The following DMXL1 variants were observed in gnomAD, a reference collection of about 807,000 sequenced individuals.
The protein encoded by DMXL1 is Dmx like 1, also known as dmX-like protein 1.
Under a neutral mutation model 319.2 loss-of-function variants are expected in DMXL1, and 99 were observed. The ratio of observed to expected loss-of-function variants is 0.31; its 90% confidence interval spans 0.26 to 0.37. DMXL1 has a LOEUF of 0.37. Among genes scored for constraint, DMXL1 ranks in the 10% least tolerant of loss-of-function variants. The pLI is 1.00. For synonymous variants in DMXL1, 1,385 were observed against 1,235.2 expected (o/e 1.12, Z -2.54); for missense variants, 3,745 against 3,595.6 (o/e 1.04, Z -1.06).
intron 37 of DMXL1, among the ~76,000 whole-genome samples, chr5:119,221,598 AC>A (rs1321763815): frequency 6.6e-6 from 1 of 152,160 alleles, no homozygotes; most frequent in African/African-American, 2.4e-5. Context: ...GGATGCCTTC[AC>A]ACTACAGTGG....
intron 9 of DMXL1, among the ~76,000 whole-genome samples, chr5:119,125,708 A>G (rs1580861261): frequency 6.6e-6 from 1 of 151,764 alleles, no homozygotes; most frequent in Non-Finnish European, 1.5e-5. Context: ...GGGACTACAG[A>G]CGCCCGCCAC....
At chr5:119,151,827 C>A in intron 18 of DMXL1, 102 bp from the exon 19 acceptor site, 1 of 588,744 alleles carries the variant, frequency 1.7e-6, no homozygotes. Flanking sequence ...ACACTGATAA[C>A]TTTTTTCTTG....
chr5:119,123,262 A>T (rs906261627), intron 9 of DMXL1, among the ~76,000 whole-genome samples: 16 of 150,426 alleles, frequency 1.1e-4, no homozygotes, highest in South Asian at 4.3e-4. Context: ...AGTACAGTCC[A>T]GCTTCGGCTC....
Position 119,150,129 on chromosome 5 carries a change from A to G in DMXL1, c.4302A>G (p.Lys1434=). The part of the protein sequence containing the change: ...EKSSNESTLS[K]SNQLSKESYD... ...CTAGTAATGAGAGTACGTTAAGTAA[A>G]TCAAACCAATTATCTAAAGAAAGTT... The change falls in exon 18 of 44, where the codon AAA becomes AAG. Residue 1434 remains lysine, a synonymous_variant. Transcript: ENST00000539542. 1 of 1,613,822 alleles carries G rather than the reference A, an allele frequency of 6.2e-7. No individual in the cohort carries two copies. The highest frequency in any genetic ancestry group is 8.5e-7 in the Non-Finnish European group (1 of 1,179,890).
At position 119,118,806 on chromosome 5, in the gene DMXL1, A is replaced by G. The variant is rs1761410332; in HGVS notation, c.744-9A>G. On this transcript the variant is annotated splice_polypyrimidine_tract_variant and intron_variant, in intron 7 of 43. Coordinates refer to ENST00000539542, the MANE Select transcript of DMXL1 (RefSeq NM_001290321.3). ...GTATTTTTGCTTCTAAAATCTTTTCATTCCTTAGGGCTTCTGTATGTAATG... is the reference window on the plus strand; with the variant it reads ...GTATTTTTGCTTCTAAAATCTTTTCGTTCCTTAGGGCTTCTGTATGTAATG... The G allele has an allele frequency of 1.9e-6, 3 of 1,570,352 alleles. No homozygotes were observed. Among genetic ancestry groups the G allele is most frequent in the East Asian group, 2.3e-5 (1 of 44,158 alleles).
intron 37 of DMXL1, among the ~76,000 whole-genome samples, chr5:119,221,288 C>A (rs1784603701): frequency 6.6e-6 from 1 of 152,010 alleles, no homozygotes; most frequent in African/African-American, 2.4e-5. Flanking sequence ...ATATACTTTG[C>A]TTGAAAACCA....
intron 30 of DMXL1, 83 bp from the exon 31 acceptor site, chr5:119,196,288 G>T: frequency 9.7e-7 from 1 of 1,030,746 alleles, no homozygotes. Context: ...TCCTGATAGT[G>T]GAATTTGTTG....
chr5:119,122,806 C>G (rs575185343), intron 9 of DMXL1, among the ~76,000 whole-genome samples: 1 of 151,118 alleles, frequency 6.6e-6, no homozygotes, highest in Non-Finnish European at 1.5e-5. Flanking sequence ...CAGAGATGCT[C>G]CTCACTTTCC....
In DMXL1 at chr5:119,220,502, A is replaced by C; in HGVS notation, c.8044A>C (p.Ser2682Arg). 6.2e-7 allele frequency: 1 copy of C among 1,613,894 alleles called. No individual in the cohort carries two copies. The highest frequency in any genetic ancestry group is 1.1e-5 in the South Asian group (1 of 91,056). Reference sequence around the variant, plus strand: ...TAGAAACTGCATAGCAATCGCTTCCAGTCATGATGTTCAAGAACTGGATGT... The same window carrying C: ...TAGAAACTGCATAGCAATCGCTTCCCGTCATGATGTTCAAGAACTGGATGT... ...ANRNCIAIAS[S>R]HDVQELDVSG... The change falls in exon 36 of 44, where the codon AGT becomes CGT. Residue 2682 changes from serine to arginine, a missense_variant. Transcript: ENST00000539542.
Position 119,071,554 on chromosome 5 carries a change from G to A in DMXL1, c.-16G>A. On this transcript the variant is annotated 5_prime_UTR_variant, in exon 1 of 44. Transcript: ENST00000539542. ...TGAGCTGGATGCGGTGTCCGTTGCA[G>A]GACTAGGGCGCCGACATGAACCTGC... 1 of 1,597,396 alleles carries A rather than the reference G, an allele frequency of 6.3e-7. No individual in the cohort carries two copies. Among genetic ancestry groups the A allele is most frequent in the Non-Finnish European group, 8.5e-7 (1 of 1,172,118 alleles).
At chr5:119,074,607 CTATT>C (rs1339923829) in intron 1 of DMXL1, among the ~76,000 whole-genome samples, 1 of 152,332 alleles carries the variant, frequency 6.6e-6, no homozygotes, top group South Asian at 2.1e-4. Flanking sequence ...GCAGATTAGT[CTATT>C]TAAGTATTAG....
chr5:119,200,861 C>G (rs887546066), intron 32 of DMXL1, among the ~76,000 whole-genome samples: 1 of 152,128 alleles, frequency 6.6e-6, no homozygotes, highest in Non-Finnish European at 1.5e-5. Flanking sequence ...TGATTTGGCT[C>G]TCAGCTTAGC....
At chr5:119,233,117 A>C (rs576174934) in intron 38 of DMXL1, among the ~76,000 whole-genome samples, 20 of 152,268 alleles carry the variant, frequency 1.3e-4, no homozygotes, top group African/African-American at 4.6e-4. Flanking sequence ...GCTATGATTT[A>C]AATGCTCCTA....
At chr5:119,086,985 C>T (rs1753517533) in intron 1 of DMXL1, among the ~76,000 whole-genome samples, 1 of 151,762 alleles carries the variant, frequency 6.6e-6, no homozygotes, top group African/African-American at 2.4e-5. Flanking sequence ...ATTGAATTTG[C>T]TGGTATATGG....
chr5:119,107,528 C>T (rs903855465), intron 4 of DMXL1, among the ~76,000 whole-genome samples: 1 of 152,068 alleles, frequency 6.6e-6, no homozygotes, highest in African/African-American at 2.4e-5. Context: ...TAATATCCTG[C>T]TTTAATATCT....
chr5:119,103,776 T>C (rs554348014), intron 3 of DMXL1, among the ~76,000 whole-genome samples: 1 of 152,308 alleles, frequency 6.6e-6, no homozygotes, highest in Admixed American at 6.5e-5. Flanking sequence ...CAGTACTCAA[T>C]AAATATTTAT....
At position 119,149,544 on chromosome 5, in the gene DMXL1, C is replaced by T. The variant is rs779479104; in HGVS notation, c.3717C>T (p.Cys1239=). The T allele has an allele frequency of 1.2e-6, 2 of 1,613,882 alleles. No individual in the cohort carries two copies. Among genetic ancestry groups the T allele is most frequent in the Admixed American group, 3.3e-5 (2 of 59,970 alleles). The part of the protein sequence containing the change: ...VGMDCEMHVY[C]QWQPSSKQEP... ...TGGACTGTGAAATGCATGTGTATTG[C>T]CAATGGCAACCATCTTCTAAACAAG... The change falls in exon 18 of 44, where the codon TGC becomes TGT. Residue 1239 remains cysteine (C), a synonymous_variant. Coordinates refer to ENST00000539542, the MANE Select transcript of DMXL1 (RefSeq NM_001290321.3).
At chr5:119,199,519 C>T (rs566647032) in intron 32 of DMXL1, among the ~76,000 whole-genome samples, 1 of 152,162 alleles carries the variant, frequency 6.6e-6, no homozygotes. Context: ...AATGCTGCAG[C>T]GAACACTTGT....
At chr5:119,206,156 A>G (rs1162218730) in intron 33 of DMXL1, among the ~76,000 whole-genome samples, 1 of 152,094 alleles carries the variant, frequency 6.6e-6, no homozygotes, top group African/African-American at 2.4e-5. Context: ...GACAACTGCA[A>G]TTAGATTAAG....
Sources: allele counts gnomAD v4.1 joint callset (sites outside exome capture counted in the v4.1 genomes callset), GRCh38; gene constraint gnomAD v4.1.1; transcripts MANE v1.5; gene names NCBI Gene and HGNC (gene_info 2026-07-23, HGNC 2026-07-21).